Variants in NECAB1 observed in about 807,000 individuals in gnomAD.
NECAB1 encodes the protein N-terminal EF-hand calcium-binding protein 1.
Under a neutral mutation model 57.5 loss-of-function variants are expected in NECAB1, and 29 were observed. That is an observed-to-expected ratio of 0.50 (90% confidence interval 0.38 to 0.69). NECAB1 has a LOEUF of 0.69. Among genes scored for constraint, NECAB1 ranks in the 30% least tolerant of loss-of-function variants. The probability of loss-of-function intolerance (pLI) is 0.00; values close to 1 mark genes in which losing one functional copy is unlikely to be tolerated. For synonymous variants in NECAB1, 142 were observed against 147.7 expected (o/e 0.96, Z 0.28); for missense variants, 372 against 413.8 (o/e 0.90, Z 0.88).
At chr8:90,952,440 G>A (rs749231329) in intron 12 of NECAB1, among the ~76,000 whole-genome samples, 1 of 152,082 alleles carries the variant, frequency 6.6e-6, no homozygotes, top group African/African-American at 2.4e-5. Flanking sequence ...CAAAGATACA[G>A]TGCTCCTGGG....
intron 8 of NECAB1, among the ~76,000 whole-genome samples, chr8:90,931,819 G>A (rs189636993): frequency 1.8e-4 from 28 of 152,182 alleles, no homozygotes; most frequent in Admixed American, 1.6e-3. Flanking sequence ...CAGGAGAATC[G>A]CTTGAACCCC....
At chr8:90,950,508 T>C (rs557866373) in intron 11 of NECAB1, among the ~76,000 whole-genome samples, 98 of 152,294 alleles carry the variant, frequency 6.4e-4, no homozygotes, top group African/African-American at 1.9e-3. Flanking sequence ...TCCTGACAGT[T>C]TAAAATGGTA....
intron 5 of NECAB1, among the ~76,000 whole-genome samples, chr8:90,907,149 T>TGAGAGA (rs1178039932): frequency 4.2e-3 from 455 of 107,160 alleles, no homozygotes; most frequent in Admixed American, 5.9e-3. Context: ...TGTGTGTGTG[T>TGAGAGA]GTGAGAGAGA....
chr8:90,917,207 G>A (rs1809974977), intron 5 of NECAB1, among the ~76,000 whole-genome samples: 2 of 152,202 alleles, frequency 1.3e-5, no homozygotes, highest in African/African-American at 4.8e-5. Flanking sequence ...TTCTACAGAT[G>A]TCTATTTTGC....
chr8:90,934,383 G>A (rs1810481300), intron 9 of NECAB1, 26 bp downstream of exon 9: 2 of 1,340,256 alleles, frequency 1.5e-6, no homozygotes, highest in Non-Finnish European at 1.0e-6. Context: ...AGGTAAAAAT[G>A]TTAGAAATAT....
Position 90,928,212 on chromosome 8 carries a change from C to T in NECAB1, c.617-11C>T. The T allele has an allele frequency of 1.3e-6, 2 of 1,596,784 alleles. No individual in the cohort carries two copies. Among genetic ancestry groups the T allele is most frequent in the Non-Finnish European group, 1.7e-6 (2 of 1,168,074 alleles). ...TTAACATATTGCCCTCATGATTCCC[C>T]CTGGCCCCAGGCTTATTAGAAGAAG... On this transcript the variant is annotated splice_polypyrimidine_tract_variant and intron_variant, in intron 7 of 12. Coordinates refer to ENST00000417640, the MANE Select transcript of NECAB1 (RefSeq NM_022351.5).
rs1338981138 is a variant in NECAB1 at position 90,879,089 on chromosome 8, A to T, written c.260-1944A>T. On this transcript the variant is annotated intron_variant, in intron 4 of 12. Coordinates refer to ENST00000417640, the MANE Select transcript of NECAB1 (RefSeq NM_022351.5). ...ATATATAATATATATTATATATATT[A>T]TATATATAATATAGGTATCTATATA... is the stretch of plus-strand genomic sequence containing the variant. Among the ~76,000 whole-genome samples, 4 of 142,630 alleles carry T rather than the reference A, an allele frequency of 2.8e-5. No individual in the cohort carries two copies. The East Asian group carries it at 5.9e-4, about 21-fold the overall frequency. The allele number at this position is 142,630 out of a possible 152,430, so 93.6% of individuals were successfully genotyped here. A position where few individuals can be genotyped will look rare whatever the true frequency, so the allele number is the denominator to read the frequency against.
intron 8 of NECAB1, among the ~76,000 whole-genome samples, chr8:90,929,207 C>G (rs1810349341): frequency 6.6e-6 from 1 of 152,090 alleles, no homozygotes; most frequent in African/African-American, 2.4e-5. Flanking sequence ...AGGAATGGAT[C>G]AGATGTTAAA....
chr8:90,854,794 T>A (rs1297052708), intron 3 of NECAB1, among the ~76,000 whole-genome samples: 1 of 152,226 alleles, frequency 6.6e-6, no homozygotes, highest in Admixed American at 6.5e-5. Flanking sequence ...AAGTACATGT[T>A]AATGAGCTGC....
intron 3 of NECAB1, among the ~76,000 whole-genome samples, chr8:90,853,016 T>C (rs1301711015): frequency 1.3e-5 from 2 of 152,258 alleles, no homozygotes; most frequent in East Asian, 3.8e-4. Context: ...TGTCCTTGGA[T>C]GCCAGAGCTA....
intron 9 of NECAB1, among the ~76,000 whole-genome samples, chr8:90,938,772 T>A (rs535017929): frequency 1.3e-5 from 2 of 152,264 alleles, no homozygotes; most frequent in African/African-American, 4.8e-5. Flanking sequence ...CATACATCAA[T>A]GTACATAAGT....
chr8:90,794,887 G>T (rs1006328681), intron 1 of NECAB1, among the ~76,000 whole-genome samples: 3 of 152,172 alleles, frequency 2.0e-5, no homozygotes, highest in Non-Finnish European at 2.9e-5. Flanking sequence ...TGTCTTGCTA[G>T]AATATGACAG....
At chr8:90,931,158 A>G (rs1468455103) in intron 8 of NECAB1, among the ~76,000 whole-genome samples, 1 of 152,176 alleles carries the variant, frequency 6.6e-6, no homozygotes, top group Non-Finnish European at 1.5e-5. Flanking sequence ...GATGGTTTTC[A>G]GCATGGGGCT....
intron 5 of NECAB1, among the ~76,000 whole-genome samples, chr8:90,886,290 AT>A (rs997991249): frequency 4.2e-4 from 63 of 148,672 alleles, no homozygotes; most frequent in East Asian, 2.7e-3. Flanking sequence ...AGTCCTACTG[AT>A]TTTTTTTTTT....
At chr8:90,932,554 C>T (rs1471954793) in intron 8 of NECAB1, among the ~76,000 whole-genome samples, 3 of 152,076 alleles carry the variant, frequency 2.0e-5, no homozygotes, top group South Asian at 2.1e-4. Context: ...AGGTGATATT[C>T]GAGTTGAGAT....
intron 6 of NECAB1, among the ~76,000 whole-genome samples, chr8:90,924,310 T>C (rs1810205170): frequency 6.6e-6 from 1 of 152,154 alleles, no homozygotes; most frequent in Non-Finnish European, 1.5e-5. Context: ...GCACCTTTTC[T>C]TATGAAGCAA....
intron 12 of NECAB1, among the ~76,000 whole-genome samples, chr8:90,953,838 G>A (rs561359859): frequency 6.6e-6 from 1 of 152,280 alleles, no homozygotes; most frequent in South Asian, 2.1e-4. Context: ...GGAGGCGAAG[G>A]TGGGCAGATG....
At chr8:90,952,401 A>G (rs549413999) in intron 12 of NECAB1, among the ~76,000 whole-genome samples, 1 of 152,258 alleles carries the variant, frequency 6.6e-6, no homozygotes, top group East Asian at 1.9e-4. Context: ...TAAGCAGTGG[A>G]GTATCAAGGA....
chr8:90,869,459 C>T (rs1808582341), intron 3 of NECAB1, among the ~76,000 whole-genome samples: 1 of 152,188 alleles, frequency 6.6e-6, no homozygotes, highest in South Asian at 2.1e-4. Flanking sequence ...AGGGGCTGGA[C>T]CCTGCAGAAC....
Sources: gnomAD v4.1 joint callset for allele counts (sites outside exome capture counted in the v4.1 genomes callset) on GRCh38, gnomAD v4.1.1 for gene constraint, MANE v1.5 for transcripts, NCBI Gene and HGNC (gene_info 2026-07-23, HGNC 2026-07-21) for gene names.